Variants in GRID2 observed in about 807,000 individuals in gnomAD.
The protein encoded by GRID2 is glutamate receptor ionotropic, delta-2.
In GRID2, 33 loss-of-function variants were observed where a neutral mutation model predicts 114.8. That is an observed-to-expected ratio of 0.29 (90% CI 0.22 to 0.38). The LOEUF (loss-of-function observed/expected upper bound fraction) is 0.38, where lower values mean the gene tolerates loss of function less well. Ranked by LOEUF, GRID2 falls within the 10% of genes least tolerant of loss-of-function variation. The pLI is 1.00. For missense variants in GRID2, 1,184 were observed against 1,257.7 expected, an observed-to-expected ratio of 0.94 and a Z score of 0.89; for synonymous variants, 505 against 449.9, an observed-to-expected ratio of 1.12 and a Z score of -1.55.
intron 2 of GRID2, among the ~76,000 whole-genome samples, chr4:92,751,656 C>T (rs556896426): frequency 2.1e-4 from 32 of 152,256 alleles, no homozygotes; most frequent in Non-Finnish European, 3.8e-4. Context: ...TTCTGACCTT[C>T]CTTTGCCTTC....
At chr4:92,665,043 T>C (rs181670875) in intron 2 of GRID2, among the ~76,000 whole-genome samples, 5 of 150,706 alleles carry the variant, frequency 3.3e-5, no homozygotes, top group Non-Finnish European at 1.5e-5. Flanking sequence ...TAATTACTGA[T>C]AAGGAAAATC....
chr4:93,210,672 C>A (rs958265063), intron 5 of GRID2, among the ~76,000 whole-genome samples: 6 of 151,596 alleles, frequency 4.0e-5, no homozygotes, highest in Non-Finnish European at 8.8e-5. Context: ...GAGAAATAGC[C>A]TCTTCATATT....
intron 2 of GRID2, among the ~76,000 whole-genome samples, chr4:92,738,959 C>T (rs1220377450): frequency 2.0e-5 from 3 of 152,142 alleles, no homozygotes; most frequent in Non-Finnish European, 2.9e-5. Flanking sequence ...GGCGCCGTAA[C>T]ACACAGTATG....
chr4:92,619,770 C>CTTTGTTTT (rs149145178), intron 2 of GRID2, among the ~76,000 whole-genome samples: 8,270 of 151,562 alleles, frequency 0.055, 281 homozygotes, highest in East Asian at 0.15. Flanking sequence ...TGTTGTATGT[C>CTTTGTTTT]TTTGTTTTTT....
intron 8 of GRID2, among the ~76,000 whole-genome samples, chr4:93,240,242 A>G (rs1187900221): frequency 1.3e-5 from 2 of 151,704 alleles, no homozygotes; most frequent in African/African-American, 4.8e-5. Context: ...TTACTAATTT[A>G]CATACCACCA....
intron 4 of GRID2, among the ~76,000 whole-genome samples, chr4:93,126,938 G>A (rs1447043733): frequency 6.6e-6 from 1 of 152,024 alleles, no homozygotes; most frequent in Non-Finnish European, 1.5e-5. Context: ...AGTTTTTATT[G>A]CTGTCCTATG....
chr4:93,173,821 AG>A (rs1299668840), intron 4 of GRID2, among the ~76,000 whole-genome samples: 7 of 152,096 alleles, frequency 4.6e-5, no homozygotes, highest in Admixed American at 3.3e-4. Context: ...TGGTAGAGAC[AG>A]GGTCTTGCTA....
intron 1 of GRID2, among the ~76,000 whole-genome samples, chr4:92,315,335 G>T (rs1221083011): frequency 6.6e-6 from 1 of 152,110 alleles, no homozygotes; most frequent in Admixed American, 6.6e-5. Context: ...TGGAATATTT[G>T]AACAATGAGA....
intron 2 of GRID2, among the ~76,000 whole-genome samples, chr4:92,724,064 G>T (rs1302538118): frequency 6.6e-6 from 1 of 152,000 alleles, no homozygotes; most frequent in African/African-American, 2.4e-5. Context: ...ATACAGGAGG[G>T]TTTATCAATT....
At chr4:92,604,749 C>T (rs908963308) in intron 2 of GRID2, among the ~76,000 whole-genome samples, 3 of 152,044 alleles carry the variant, frequency 2.0e-5, no homozygotes, top group Non-Finnish European at 2.9e-5. Context: ...GGCTTTATGT[C>T]AAACCACTGT....
chr4:93,263,820 C>T (rs939087645), intron 8 of GRID2, among the ~76,000 whole-genome samples: 14 of 152,060 alleles, frequency 9.2e-5, no homozygotes, highest in African/African-American at 3.1e-4. Context: ...TTTTATCCTT[C>T]GAAAGCAGGC....
intron 2 of GRID2, among the ~76,000 whole-genome samples, chr4:92,718,879 A>G (rs892982792): frequency 2.6e-5 from 4 of 152,026 alleles, no homozygotes; most frequent in African/African-American, 9.7e-5. Context: ...AATTTTTATT[A>G]AAGATTAAAA....
intron 14 of GRID2, among the ~76,000 whole-genome samples, chr4:93,721,825 C>T (rs1167901275): frequency 5.9e-5 from 9 of 151,532 alleles, no homozygotes; most frequent in Admixed American, 5.9e-4. Context: ...TTCATAATAA[C>T]AGGATTAAGT....
intron 14 of GRID2, among the ~76,000 whole-genome samples, chr4:93,732,923 A>G (rs1010198676): frequency 1.7e-5 from 1 of 58,940 alleles, no homozygotes; most frequent in African/African-American, 4.9e-5. Context: ...TTAAAAAATA[A>G]AAAAAAAAAA....
intron 14 of GRID2, among the ~76,000 whole-genome samples, chr4:93,679,395 C>G (rs1057344210): frequency 6.6e-6 from 1 of 150,858 alleles, no homozygotes; most frequent in African/African-American, 2.5e-5. Flanking sequence ...CAAGGATACC[C>G]AGGAATTGAA....
intron 2 of GRID2, among the ~76,000 whole-genome samples, chr4:92,738,611 T>C (rs1279351380): frequency 6.6e-6 from 1 of 152,156 alleles, no homozygotes; most frequent in African/African-American, 2.4e-5. Flanking sequence ...TTTTTGCTTA[T>C]AAAAAGTAGA....
chr4:92,792,664 C>A (rs1434313490), intron 2 of GRID2, among the ~76,000 whole-genome samples: 1 of 151,658 alleles, frequency 6.6e-6, no homozygotes, highest in Non-Finnish European at 1.5e-5. Context: ...TTAGTGAAAA[C>A]AAAGTTTGTG....
chr4:92,549,326 T>C (rs1193936552), intron 1 of GRID2, among the ~76,000 whole-genome samples: 2 of 152,142 alleles, frequency 1.3e-5, no homozygotes, highest in African/African-American at 4.8e-5. Context: ...ATCTGAGATA[T>C]GGTTACCCTC....
chr4:93,287,195 C>A (rs1753271733), intron 8 of GRID2, among the ~76,000 whole-genome samples: 1 of 152,062 alleles, frequency 6.6e-6, no homozygotes, highest in African/African-American at 2.4e-5. Flanking sequence ...GAAAAAATAT[C>A]ATTATGGAGT....
Sources: allele counts gnomAD v4.1 joint callset (sites outside exome capture counted in the v4.1 genomes callset), GRCh38; gene constraint gnomAD v4.1.1; transcripts MANE v1.5; gene names NCBI Gene and HGNC (gene_info 2026-07-23, HGNC 2026-07-21).